The following SLC35E2B variants were observed in gnomAD, a reference collection of about 807,000 sequenced individuals.
SLC35E2B encodes the protein solute carrier family 35, member E2B.
A neutral mutation model predicts 32.4 loss-of-function variants in SLC35E2B; 18 were observed. The ratio of observed to expected loss-of-function variants is 0.56; its 90% confidence interval spans 0.38 to 0.82. The LOEUF is 0.82. Ranked by LOEUF, SLC35E2B falls within the 40% of genes least tolerant of loss-of-function variation. SLC35E2B has a pLI of 0.00. For missense variants in SLC35E2B, 263 were observed against 469.5 expected (o/e 0.56, Z 4.06); for synonymous variants, 132 against 209.1 (o/e 0.63, Z 3.18).
intron 2 of SLC35E2B, among the ~76,000 whole-genome samples, chr1:1,683,909 A>C (rs7520934): frequency 0.49 from 74,625 of 152,004 alleles, 18,886 homozygotes; most frequent in African/African-American, 0.59. Flanking sequence ...GGTTGGAAAC[A>C]GGGTCTCAGA....
chr1:1,662,879 G>C lies in SLC35E2B; in HGVS notation c.*2903C>G. 2.5e-6 allele frequency: 2 copies of C among 803,442 alleles called. No homozygotes were observed. Among genetic ancestry groups the C allele is most frequent in the Non-Finnish European group, 3.0e-6 (2 of 660,808 alleles). The allele number at this position is 803,442 out of a possible 1,614,324, so 49.8% of individuals were successfully genotyped here. ...CTGGTGTGTTCCTAGAAGCTCACCT[G>C]TGACAGTTCAACAAGAACTTACTAT... On this transcript the variant is annotated 3_prime_UTR_variant, in exon 10 of 10. Coordinates refer to ENST00000617444, the MANE Select transcript of SLC35E2B (RefSeq NM_001290264.2).
intron 5 of SLC35E2B, chr1:1,672,676 G>C (rs1015287095): frequency 2.0e-5 from 3 of 152,388 alleles, no homozygotes; most frequent in African/African-American, 7.2e-5. Context: ...TGAAGGTCTG[G>C]CATCTGGGGG....
In SLC35E2B at chr1:1,662,668, C is replaced by T. The variant is rs1445783333; in HGVS notation, c.*3114G>A. On this transcript the variant is annotated 3_prime_UTR_variant, in exon 10 of 10. Coordinates refer to ENST00000617444, the MANE Select transcript of SLC35E2B (RefSeq NM_001290264.2). ...CTGTTATACAGGGAATTGGGACTCT[C>T]GGATTTTCTTTTTTAACCTTTTTAT... 3.3e-5 allele frequency: 24 copies of T among 718,470 alleles called. 2 individuals carry two copies. The highest frequency in any genetic ancestry group is 2.2e-4 in the African/African-American group (12 of 54,524). The allele number at this position is 718,470 out of a possible 1,614,324, so 44.5% of individuals were successfully genotyped here.
In SLC35E2B at chr1:1,661,558, T is replaced by C. The variant is rs1215614830; in HGVS notation, c.*4224A>G. 1 of 766,740 alleles carries C rather than the reference T, an allele frequency of 1.3e-6. No homozygotes were observed. The highest frequency in any genetic ancestry group is 1.2e-4 in the East Asian group (1 of 8,330). 47.5% of individuals were successfully genotyped at this position (766,740 alleles called of 1,614,324 possible). A position where few individuals can be genotyped will look rare whatever the true frequency, so the allele number is the denominator to read the frequency against. On this transcript the variant is annotated 3_prime_UTR_variant, in exon 10 of 10. Coordinates refer to ENST00000617444, the MANE Select transcript of SLC35E2B (RefSeq NM_001290264.2). ...CACGGCTGCTTCGTTTGGACAAAAA[T>C]AACGAGGAGGCATCCACGGGATTAG...
chr1:1,688,314 A>C (rs1024156041), intron 2 of SLC35E2B, among the ~76,000 whole-genome samples: 2 of 152,094 alleles, frequency 1.3e-5, no homozygotes, highest in Admixed American at 1.3e-4. Context: ...ACTGAGTAAA[A>C]GCTTAGAAAC....
chr1:1,686,290 A>G (rs1276633618), intron 2 of SLC35E2B, among the ~76,000 whole-genome samples: 2 of 148,382 alleles, frequency 1.3e-5, no homozygotes, highest in Non-Finnish European at 3.0e-5. Flanking sequence ...GGCATCAGCC[A>G]CTGCGCCCAG....
chr1:1,680,692 AC>A (rs1410279388), intron 2 of SLC35E2B, among the ~76,000 whole-genome samples: 1 of 151,092 alleles, frequency 6.6e-6, no homozygotes, highest in African/African-American at 2.4e-5. Context: ...AACCGTCCTC[AC>A]CCCCAGCATC....
At chr1:1,674,530 T>C (rs951950208) in intron 5 of SLC35E2B, 1 of 151,560 alleles carries the variant, frequency 6.6e-6, no homozygotes, top group South Asian at 2.1e-4. Flanking sequence ...GGTGGGAGGA[T>C]TGCCTAAGCC....
chr1:1,684,215 A>G (rs1570343409), intron 2 of SLC35E2B, among the ~76,000 whole-genome samples: 1 of 151,914 alleles, frequency 6.6e-6, no homozygotes, highest in African/African-American at 2.4e-5. Flanking sequence ...TGCCTCATCC[A>G]CCTCCGCGTG....
intron 2 of SLC35E2B, among the ~76,000 whole-genome samples, chr1:1,686,600 T>A (rs1643954783): frequency 1.3e-5 from 2 of 151,366 alleles, no homozygotes. Context: ...ACCCCATCCC[T>A]AGTAAAAATA....
chr1:1,669,495 A>C (rs1034562425), intron 8 of SLC35E2B, among the ~76,000 whole-genome samples, 169 bp downstream of exon 8: 1 of 152,234 alleles, frequency 6.6e-6, no homozygotes, highest in African/African-American at 2.4e-5. Context: ...CAGAAATCTG[A>C]GCTGCAAACC....
intron 2 of SLC35E2B, among the ~76,000 whole-genome samples, chr1:1,678,137 C>T (rs982200965): frequency 6.6e-6 from 1 of 152,168 alleles, no homozygotes; most frequent in Non-Finnish European, 1.5e-5. Flanking sequence ...ACCCAGTACC[C>T]CTCCTCGTCT....
chr1:1,666,598 C>T (rs984902624), intron 9 of SLC35E2B, among the ~76,000 whole-genome samples: 1 of 152,214 alleles, frequency 6.6e-6, no homozygotes, highest in Non-Finnish European at 1.5e-5. Flanking sequence ...CTCTAAAGAA[C>T]AAGAACATCA....
intron 2 of SLC35E2B, among the ~76,000 whole-genome samples, chr1:1,688,733 C>T (rs1238694976): frequency 8.6e-5 from 13 of 151,964 alleles, no homozygotes; most frequent in Non-Finnish European, 1.8e-4. Flanking sequence ...AAGCTATGCA[C>T]GCACGATGAG....
chr1:1,690,205 G>A (rs1331840942), intron 2 of SLC35E2B, among the ~76,000 whole-genome samples: 12 of 148,436 alleles, frequency 8.1e-5, no homozygotes, highest in African/African-American at 2.0e-4. Context: ...ACTTGAACAC[G>A]GGAGGCAGAG....
intron 2 of SLC35E2B, among the ~76,000 whole-genome samples, chr1:1,683,936 T>C (rs999148216): frequency 1.3e-5 from 2 of 152,254 alleles, no homozygotes; most frequent in Admixed American, 1.3e-4. Context: ...CAGGTGCAGG[T>C]GCCTGTTCAG....
chr1:1,688,777 G>A (rs1185706396), intron 2 of SLC35E2B, among the ~76,000 whole-genome samples: 2 of 152,164 alleles, frequency 1.3e-5, no homozygotes, highest in Non-Finnish European at 2.9e-5. Context: ...GGAGACGGAG[G>A]CGCAGGGAGG....
chr1:1,672,943 T>C (rs1643737363), intron 5 of SLC35E2B: 1 of 153,340 alleles, frequency 6.5e-6, no homozygotes, highest in East Asian at 1.9e-4. Context: ...AGAGAGTTGG[T>C]TTTCTAACAT....
chr1:1,666,398 G>A (rs150576565), intron 9 of SLC35E2B, among the ~76,000 whole-genome samples: 1 of 152,336 alleles, frequency 6.6e-6, no homozygotes, highest in African/African-American at 2.4e-5. Context: ...CGCCTCATCA[G>A]CTTCATCCAA....
Sources: allele counts gnomAD v4.1 joint callset (sites outside exome capture counted in the v4.1 genomes callset), GRCh38; gene constraint gnomAD v4.1.1; transcripts MANE v1.5; gene names NCBI Gene and HGNC (gene_info 2026-07-23, HGNC 2026-07-21).